The following RPS6KC1 variants were observed in gnomAD, a reference collection of about 807,000 sequenced individuals.
The protein encoded by RPS6KC1 is ribosomal protein S6 kinase C1.
RPS6KC1 carries 54 observed loss-of-function variants against 103.8 expected under a neutral mutation model. That is an observed-to-expected ratio of 0.52 (90% CI 0.42 to 0.65). The LOEUF (loss-of-function observed/expected upper bound fraction) is 0.65. Among genes scored for constraint, RPS6KC1 ranks in the 30% least tolerant of loss-of-function variants. RPS6KC1 has a pLI of 0.00. For missense variants in RPS6KC1, 1,151 were observed against 1,253.8 expected (o/e 0.92, Z 1.24); for synonymous variants, 439 against 438.7 (o/e 1.00, Z -0.01).
the RPS6KC1 span, among the ~76,000 whole-genome samples, chr1:213,444,235 A>G: frequency 6.6e-6 from 1 of 152,058 alleles, no homozygotes; most frequent in Non-Finnish European, 1.5e-5. Flanking sequence ...GTCATAGTGG[A>G]TTAGAACCAC....
At chr1:213,755,219 A>C in the RPS6KC1 span, among the ~76,000 whole-genome samples, 2 of 152,152 alleles carry the variant, frequency 1.3e-5, no homozygotes. Context: ...ATTGGTGCAA[A>C]AGTAATCACG....
chr1:213,791,061 A>G, the RPS6KC1 span, among the ~76,000 whole-genome samples: 2 of 152,168 alleles, frequency 1.3e-5, no homozygotes, highest in Non-Finnish European at 2.9e-5. Flanking sequence ...TAGCAAATCT[A>G]TGAAATATAA....
intron 8 of RPS6KC1, among the ~76,000 whole-genome samples, chr1:213,213,549 A>ACATAAAGT (rs2093574715): frequency 6.6e-6 from 1 of 152,172 alleles, no homozygotes; most frequent in Non-Finnish European, 1.5e-5. Flanking sequence ...TTGCATTTCT[A>ACATAAAGT]CATAAAGTTT....
chr1:213,766,242 C>T, the RPS6KC1 span, among the ~76,000 whole-genome samples: 663 of 152,204 alleles, frequency 4.4e-3, 8 homozygotes, highest in Non-Finnish European at 6.1e-3. Context: ...TCTTTCCTCC[C>T]GAGTCTTAAA....
At chr1:213,660,898 A>G in the RPS6KC1 span, among the ~76,000 whole-genome samples, 2 of 152,248 alleles carry the variant, frequency 1.3e-5, no homozygotes, top group Non-Finnish European at 2.9e-5. Context: ...CAAATTCGCC[A>G]GTCGTTGAGT....
At chr1:213,813,080 G>A in the RPS6KC1 span, among the ~76,000 whole-genome samples, 6 of 152,098 alleles carry the variant, frequency 3.9e-5, no homozygotes, top group East Asian at 3.9e-4. Context: ...GTGAAACCCC[G>A]TCTCTACTAA....
the RPS6KC1 span, among the ~76,000 whole-genome samples, chr1:213,548,968 A>G: frequency 6.6e-6 from 1 of 152,178 alleles, no homozygotes; most frequent in African/African-American, 2.4e-5. Flanking sequence ...TGTTTATGGG[A>G]GGGAAACTCT....
At chr1:213,660,233 G>A in the RPS6KC1 span, among the ~76,000 whole-genome samples, 4 of 152,238 alleles carry the variant, frequency 2.6e-5, no homozygotes, top group African/African-American at 9.6e-5. Context: ...GAGTGACAGG[G>A]AGGAGGAACG....
chr1:213,628,293 C>A, the RPS6KC1 span, among the ~76,000 whole-genome samples: 1 of 152,054 alleles, frequency 6.6e-6, no homozygotes, highest in Non-Finnish European at 1.5e-5. Context: ...TTTATTGCAT[C>A]TATTTAATTC....
At chr1:213,630,095 G>T in the RPS6KC1 span, among the ~76,000 whole-genome samples, 1 of 152,060 alleles carries the variant, frequency 6.6e-6, no homozygotes, top group Non-Finnish European at 1.5e-5. Flanking sequence ...TATCTTTGTG[G>T]CATTCTCTTT....
the RPS6KC1 span, among the ~76,000 whole-genome samples, chr1:213,768,515 C>T: frequency 6.6e-6 from 1 of 152,186 alleles, no homozygotes; most frequent in Non-Finnish European, 1.5e-5. Flanking sequence ...ATAGAAATTG[C>T]ATTTGAAAGA....
chr1:213,513,490 G>T, the RPS6KC1 span, among the ~76,000 whole-genome samples: 1 of 152,124 alleles, frequency 6.6e-6, no homozygotes, highest in African/African-American at 2.4e-5. Context: ...CTTCTCTTAA[G>T]GGTTTAGGGT....
chr1:213,723,923 G>A, the RPS6KC1 span, among the ~76,000 whole-genome samples: 1 of 149,214 alleles, frequency 6.7e-6, no homozygotes, highest in African/African-American at 2.5e-5. Flanking sequence ...GGAAGTTAAA[G>A]TATGGGGGTG....
At chr1:213,226,058 C>T (rs1460665199) in intron 8 of RPS6KC1, among the ~76,000 whole-genome samples, 2 of 151,868 alleles carry the variant, frequency 1.3e-5, no homozygotes, top group African/African-American at 4.8e-5. Context: ...CCTGTCTCTA[C>T]TAAAAATACA....
the RPS6KC1 span, among the ~76,000 whole-genome samples, chr1:213,406,816 C>T: frequency 4.6e-5 from 7 of 152,320 alleles, no homozygotes; most frequent in South Asian, 4.1e-4. Flanking sequence ...TGGCCCTTTG[C>T]ATTGGGCTGA....
the RPS6KC1 span, among the ~76,000 whole-genome samples, chr1:213,673,994 C>T: frequency 6.6e-6 from 1 of 152,014 alleles, no homozygotes; most frequent in Non-Finnish European, 1.5e-5. Context: ...CTCTCCCTAC[C>T]CCTTCTGGCA....
At chr1:213,403,088 A>G in the RPS6KC1 span, among the ~76,000 whole-genome samples, 4 of 151,998 alleles carry the variant, frequency 2.6e-5, no homozygotes, top group African/African-American at 4.8e-5. Context: ...AGATTGCACC[A>G]CTGCACTCCA....
At chr1:213,775,283 AT>A in the RPS6KC1 span, among the ~76,000 whole-genome samples, 1 of 152,218 alleles carries the variant, frequency 6.6e-6, no homozygotes, top group Non-Finnish European at 1.5e-5. Flanking sequence ...TATTTCTCAA[AT>A]AATAGGTGGT....
chr1:213,081,656 T>G (rs1006214319), intron 3 of RPS6KC1, among the ~76,000 whole-genome samples: 1 of 151,958 alleles, frequency 6.6e-6, no homozygotes, highest in Admixed American at 6.6e-5. Context: ...CTTAAGGTTT[T>G]TTTTTTTTTT....
Sources: allele counts gnomAD v4.1 joint callset (sites outside exome capture counted in the v4.1 genomes callset), GRCh38; gene constraint gnomAD v4.1.1; transcripts MANE v1.5; gene names NCBI Gene and HGNC (gene_info 2026-07-23, HGNC 2026-07-21).